SPECC1L: variants seen among roughly 807,000 people sequenced by gnomAD.
The protein encoded by SPECC1L is sperm antigen with calponin homology and coiled-coil domains 1 like, also known as cytospin-A.
In SPECC1L, 40 loss-of-function variants were observed where a neutral mutation model predicts 116.8. That is an observed-to-expected ratio of 0.34 (90% CI 0.27 to 0.45). The LOEUF (loss-of-function observed/expected upper bound fraction) is 0.45, where lower values mean the gene tolerates loss of function less well. Among genes scored for constraint, SPECC1L ranks in the 20% least tolerant of loss-of-function variants. The probability of loss-of-function intolerance (pLI) is 1.00; values close to 1 mark genes in which losing one functional copy is unlikely to be tolerated. For missense variants in SPECC1L, 1,110 were observed against 1,373.6 expected (o/e 0.81, Z 3.03); for synonymous variants, 504 against 500.6 (o/e 1.01, Z -0.09).
intron 4 of SPECC1L, among the ~76,000 whole-genome samples, chr22:24,320,850 C>G (rs1052892652): frequency 1.3e-5 from 2 of 152,152 alleles, no homozygotes; most frequent in African/African-American, 4.8e-5. Flanking sequence ...TCTTGCCCAC[C>G]TATGATCTCC....
chr22:24,412,244 C>T, intron 15 of SPECC1L: 1 of 367,192 alleles, frequency 2.7e-6, no homozygotes, highest in South Asian at 2.3e-5. Context: ...GGCCCGCAGC[C>T]CCCACCCCAG....
intron 11 of SPECC1L, among the ~76,000 whole-genome samples, chr22:24,351,975 C>T (rs1390966304): frequency 2.7e-5 from 4 of 150,048 alleles, no homozygotes; most frequent in Admixed American, 6.6e-5. Context: ...GGGAATAGAG[C>T]GAGACTCTGT....
At chr22:24,385,019 C>T (rs577016308) in intron 14 of SPECC1L, among the ~76,000 whole-genome samples, 5 of 149,462 alleles carry the variant, frequency 3.3e-5, no homozygotes, top group South Asian at 4.2e-4. Flanking sequence ...GCTGAGATCG[C>T]GCCACTGAAC....
chr22:24,324,677 C>T (rs2040783863), intron 6 of SPECC1L, among the ~76,000 whole-genome samples: 3 of 152,178 alleles, frequency 2.0e-5, no homozygotes, highest in African/African-American at 7.2e-5. Context: ...ATGGTAAAAC[C>T]CCGTATCTAC....
In SPECC1L at chr22:24,322,409, T is replaced by G; in HGVS notation, c.1429T>G (p.Tyr477Asp). The stretch of plus-strand genomic sequence containing the variant: ...TCTTCTAGATGAGCATCACATTTCT[T>G]ATGTCATAGATGAAGATGTAAAAAG... ...RSLLDEHHIS[Y>D]VIDEDVKSGR... The change falls in exon 5 of 17, where the codon TAT becomes GAT. Residue 477 changes from tyrosine to aspartate, a missense_variant. This residue lies in a region of SPECC1L where 575 missense variants were observed against 682.4 expected (regional missense o/e 0.84). Coordinates refer to ENST00000314328, the MANE Select transcript of SPECC1L (RefSeq NM_015330.6). 6.2e-7 allele frequency: 1 copy of G among 1,614,240 alleles called. No individual in the cohort carries two copies. The highest frequency in any genetic ancestry group is 8.5e-7 in the Non-Finnish European group (1 of 1,180,046).
At chr22:24,401,338 T>C (rs1287560699) in intron 14 of SPECC1L, among the ~76,000 whole-genome samples, 1 of 152,218 alleles carries the variant, frequency 6.6e-6, no homozygotes, top group Non-Finnish European at 1.5e-5. Flanking sequence ...TGGTGTAAAC[T>C]GGTAGGCAGA....
At chr22:24,299,281 AAGAAC>A (rs2049328072) in intron 2 of SPECC1L, among the ~76,000 whole-genome samples, 1 of 152,170 alleles carries the variant, frequency 6.6e-6, no homozygotes. Flanking sequence ...ATAGTTTTTA[AAGAAC>A]GGGGGTGAGG....
intron 2 of SPECC1L, among the ~76,000 whole-genome samples, chr22:24,286,868 A>C (rs1368285518): frequency 1.3e-5 from 2 of 152,246 alleles, no homozygotes; most frequent in Non-Finnish European, 2.9e-5. Context: ...AGATCGCGCC[A>C]CTGCACTCCA....
At chr22:24,389,806 A>G (rs2042231083) in intron 14 of SPECC1L, among the ~76,000 whole-genome samples, 1 of 152,092 alleles carries the variant, frequency 6.6e-6, no homozygotes, top group East Asian at 1.9e-4. Context: ...GCTCTTTATA[A>G]ATTGTATGAA....
chr22:24,373,967 GA>G (rs1299367135), intron 14 of SPECC1L, among the ~76,000 whole-genome samples: 1 of 152,130 alleles, frequency 6.6e-6, no homozygotes, highest in African/African-American at 2.4e-5. Flanking sequence ...CGAAGGATAT[GA>G]ACAGACACTT....
chr22:24,335,342 T>G (rs2041030255), intron 9 of SPECC1L, among the ~76,000 whole-genome samples: 1 of 152,190 alleles, frequency 6.6e-6, no homozygotes, highest in South Asian at 2.1e-4. Context: ...CCCAAATGCC[T>G]CCATGGTCTG....
chr22:24,314,856 T>A (rs1569416619), intron 4 of SPECC1L, among the ~76,000 whole-genome samples: 1 of 152,252 alleles, frequency 6.6e-6, no homozygotes. Context: ...ATTGTCCCTC[T>A]TTAAATGATG....
At chr22:24,279,801 C>T (rs1006489921) in intron 2 of SPECC1L, among the ~76,000 whole-genome samples, 5 of 152,074 alleles carry the variant, frequency 3.3e-5, no homozygotes, top group Admixed American at 6.6e-5. Context: ...TCAGGCTGGT[C>T]TTCTGACCTC....
At chr22:24,408,836 A>G (rs1467203142) in intron 14 of SPECC1L, among the ~76,000 whole-genome samples, 2 of 152,256 alleles carry the variant, frequency 1.3e-5, no homozygotes, top group Non-Finnish European at 2.9e-5. Flanking sequence ...CATTCTGATG[A>G]TGCAGGTGAT....
chr22:24,411,443 A>G, intron 14 of SPECC1L, 145 bp from the exon 15 acceptor site: 1 of 771,870 alleles, frequency 1.3e-6, no homozygotes, highest in Non-Finnish European at 2.3e-6. Flanking sequence ...GATACCAGGT[A>G]GCCCTTGGAC....
chr22:24,372,531 T>G, intron 14 of SPECC1L, among the ~76,000 whole-genome samples: 1 of 152,182 alleles, frequency 6.6e-6, no homozygotes, highest in Non-Finnish European at 1.5e-5. Context: ...AACCATATGA[T>G]TATCTCAATA....
rs200994892 is a variant in SPECC1L at position 24,321,688 on chromosome 22, G to A, written c.708G>A (p.Pro236=). The A allele has an allele frequency of 8.7e-6, 14 of 1,614,104 alleles. No homozygotes were observed. The highest frequency in any genetic ancestry group is 6.7e-5 in the African/African-American group (5 of 74,942). ...AGGAAACTATTATGGCTCACCAGCC[G>A]ACTGATGTGGAGTCCACTTTATTGC... ...SEKETIMAHQ[P]TDVESTLLQL... The change falls in exon 5 of 17, where the codon CCG becomes CCA. Residue 236 remains proline (P), a synonymous_variant. Coordinates refer to ENST00000314328, the MANE Select transcript of SPECC1L (RefSeq NM_015330.6).
chr22:24,349,095 C>T (rs572899299), intron 11 of SPECC1L, among the ~76,000 whole-genome samples: 4 of 152,074 alleles, frequency 2.6e-5, no homozygotes, highest in Non-Finnish European at 4.4e-5. Flanking sequence ...GGCTGTAGTG[C>T]AGTGGCACGA....
chr22:24,342,004 TC>T (rs1432983257), intron 10 of SPECC1L, among the ~76,000 whole-genome samples: 2 of 152,214 alleles, frequency 1.3e-5, no homozygotes, highest in African/African-American at 4.8e-5. Flanking sequence ...CCAGAGGCAC[TC>T]CGCTAAGCTT....
Sources: allele counts gnomAD v4.1 joint callset (sites outside exome capture counted in the v4.1 genomes callset), GRCh38; gene constraint gnomAD v4.1.1; regional missense constraint gnomAD v4.1.1; transcripts MANE v1.5; gene names NCBI Gene and HGNC (gene_info 2026-07-23, HGNC 2026-07-21).